SRCIN1: variants seen among roughly 807,000 people sequenced by gnomAD.
The protein encoded by SRCIN1 is P130Cas-associated protein.
In SRCIN1, 50 loss-of-function variants were observed where a neutral mutation model predicts 116.2. The ratio of observed to expected loss-of-function variants is 0.43; its 90% CI spans 0.34 to 0.54. SRCIN1 has a LOEUF of 0.54. SRCIN1 is among the 20% of genes least tolerant of loss of function. The pLI, the probability that SRCIN1 is intolerant of heterozygous loss-of-function variation, is 0.02. For synonymous variants in SRCIN1, 736 were observed against 750.0 expected (o/e 0.98, Z 0.30); for missense variants, 1,446 against 1,672.0 (o/e 0.86, Z 2.36).
intron 11 of SRCIN1, among the ~76,000 whole-genome samples, chr17:38,556,238 A>G (rs922059198): frequency 2.7e-4 from 41 of 152,276 alleles, no homozygotes; most frequent in African/African-American, 9.6e-4. Context: ...CAAGATGGCA[A>G]CAGCAGAGCA....
rs55779119 is a variant in SRCIN1, at chr17:38,581,466, CT to C, written c.23-2676del. 9.7e-3 allele frequency among the ~76,000 whole-genome samples: 1,311 copies of C among 134,576 alleles called. 12 individuals are homozygous for C. Among genetic ancestry groups the C allele is most frequent in the African/African-American group, 0.023 (863 of 36,794 alleles). The allele number at this position is 134,576 out of a possible 152,430, so 88.3% of individuals were successfully genotyped here. ...AAAGTGTGAGCCACCACACCCAGGT[CT>C]TTTTTTTTTTTTTTAAATACCTTTA... On this transcript the variant is annotated intron_variant, in intron 1 of 18. Coordinates refer to ENST00000617146, the MANE Select transcript of SRCIN1 (RefSeq NM_025248.3).
chr17:38,543,177 C>A (rs1904857038), intron 18 of SRCIN1: 5 of 456,638 alleles, frequency 1.1e-5, no homozygotes, highest in South Asian at 7.7e-5. Context: ...CTGCTGCACC[C>A]CTACCCTTCC....
At chr17:38,581,659 T>A (rs1907831119) in intron 1 of SRCIN1, among the ~76,000 whole-genome samples, 1 of 152,144 alleles carries the variant, frequency 6.6e-6, no homozygotes, top group Non-Finnish European at 1.5e-5. Context: ...AAAGGTTTCC[T>A]GATATGATGG....
At chr17:38,554,479 A>T (rs923702070) in intron 11 of SRCIN1, among the ~76,000 whole-genome samples, 2 of 151,940 alleles carry the variant, frequency 1.3e-5, no homozygotes, top group African/African-American at 4.8e-5. Flanking sequence ...AGGCACACAC[A>T]CGTGCTAACT....
At chr17:38,580,931 G>A (rs1182636502) in intron 1 of SRCIN1, among the ~76,000 whole-genome samples, 1 of 152,112 alleles carries the variant, frequency 6.6e-6, no homozygotes, top group Admixed American at 6.5e-5. Context: ...AAGCTCCTGG[G>A]CTCAAGAGTT....
At chr17:38,565,061 C>T (rs991832582) in intron 3 of SRCIN1, among the ~76,000 whole-genome samples, 3 of 152,008 alleles carry the variant, frequency 2.0e-5, no homozygotes, top group African/African-American at 4.8e-5. Flanking sequence ...CTCTGAGTGA[C>T]GGCAGCCACT....
intron 15 of SRCIN1, 98 bp from the exon 16 acceptor site, chr17:38,549,308 G>A (rs920867852): frequency 8.6e-5 from 106 of 1,238,662 alleles, no homozygotes; most frequent in Non-Finnish European, 9.5e-5. Flanking sequence ...TCTTCCTCCA[G>A]GGAGGACCAG....
At chr17:38,543,579 C>A (rs1904882572) in intron 18 of SRCIN1, among the ~76,000 whole-genome samples, 1 of 152,194 alleles carries the variant, frequency 6.6e-6, no homozygotes, top group Non-Finnish European at 1.5e-5. Flanking sequence ...AGTGAGGGAA[C>A]TCCTGAGAGG....
At chr17:38,588,928 GC>G (rs1908289936) in intron 1 of SRCIN1, among the ~76,000 whole-genome samples, 1 of 152,312 alleles carries the variant, frequency 6.6e-6, no homozygotes, top group Admixed American at 6.5e-5. Flanking sequence ...CCTTGTCCCA[GC>G]CCTATGACCT....
chr17:38,558,309 G>A lies in SRCIN1; in HGVS notation c.2119C>T (p.Pro707Ser), dbSNP rs1240700574. The change falls in exon 11 of 19, where the codon CCG (proline) becomes TCG (serine). Residue 707 changes from proline to serine, a missense_variant. Physicochemically the swap from Pro to Ser is moderately conservative, Grantham distance 74. Transcript: ENST00000617146. The surrounding 1 kb of genome is among the most constrained non-coding windows in gnomAD (Gnocchi z 4.6). The part of the protein sequence containing the change: ...VSEAARRQED[P>S]LQRQRTLVEE... ...ACCAGGGTGCGCTGCCGCTGCAGCG[G>A]GTCCTCCTGCCGCCGCGCCGCCTCC... 1.2e-6 allele frequency: 2 copies of A among 1,611,364 alleles called. No homozygotes were observed. Among genetic ancestry groups the A allele is most frequent in the Non-Finnish European group, 8.5e-7 (1 of 1,179,610 alleles).
chr17:38,555,098 T>C (rs1170103612), intron 11 of SRCIN1, among the ~76,000 whole-genome samples: 1 of 152,244 alleles, frequency 6.6e-6, no homozygotes, highest in Non-Finnish European at 1.5e-5. Flanking sequence ...ACTCAGGCCT[T>C]GGCTTTCATT....
At chr17:38,579,693 G>A (rs1318926439) in intron 1 of SRCIN1, among the ~76,000 whole-genome samples, 1 of 152,162 alleles carries the variant, frequency 6.6e-6, no homozygotes, top group Non-Finnish European at 1.5e-5. Flanking sequence ...AGAAAGAGAA[G>A]GCCGGGGGTT....
chr17:38,543,991 T>G, intron 17 of SRCIN1, 22 bp from the exon 18 acceptor site: 1 of 1,562,902 alleles, frequency 6.4e-7, no homozygotes, highest in South Asian at 1.2e-5. Context: ...GGAACAGGGT[T>G]GCAGTTGCAG....
At chr17:38,592,676 T>A (rs1299749300) in intron 1 of SRCIN1, among the ~76,000 whole-genome samples, 4 of 152,202 alleles carry the variant, frequency 2.6e-5, no homozygotes, top group Non-Finnish European at 5.9e-5. Flanking sequence ...TCTAGCACAG[T>A]GCCTGGCACA....
chr17:38,543,936 C>T lies in SRCIN1; in HGVS notation c.3304G>A (p.Val1102Met). 6.3e-7 allele frequency: 1 copy of T among 1,595,500 alleles called. No homozygotes were observed. Among genetic ancestry groups the T allele is most frequent in the Non-Finnish European group, 8.5e-7 (1 of 1,175,842 alleles). Residue 1102 changes from valine (V) to methionine (M), a missense_variant, in exon 18 of 19, where the codon GTG (valine) becomes ATG (methionine). Transcript: ENST00000617146. ...GGGSVPPMKVVTPGASRLKAA... is the reference protein window; with the variant it reads ...GGGSVPPMKVMTPGASRLKAA... ...TTCAGCCGAGAGGCCCCCGGAGTCA[C>T]CACCTTCATGGGTGGTACACTGCCT...
intron 2 of SRCIN1, among the ~76,000 whole-genome samples, chr17:38,578,180 A>G (rs990191745): frequency 2.6e-5 from 4 of 152,146 alleles, no homozygotes; most frequent in African/African-American, 9.7e-5. Context: ...CTCCCAGAAG[A>G]GTTCTGCCCA....
intron 1 of SRCIN1, among the ~76,000 whole-genome samples, chr17:38,600,431 A>G (rs1908958548): frequency 6.6e-6 from 1 of 152,210 alleles, no homozygotes; most frequent in Non-Finnish European, 1.5e-5. Context: ...CCTGGGCCCC[A>G]TCTTCTGTGT....
chr17:38,553,528 CTT>C (rs1905584985), intron 11 of SRCIN1, among the ~76,000 whole-genome samples: 2 of 152,132 alleles, frequency 1.3e-5, no homozygotes, highest in African/African-American at 4.8e-5. Flanking sequence ...GGGGAGGTCT[CTT>C]GTCTCGGGGG....
chr17:38,554,277 A>G (rs3902482), intron 11 of SRCIN1, among the ~76,000 whole-genome samples: 42,401 of 151,770 alleles, frequency 0.28, 7,091 homozygotes, highest in African/African-American at 0.47. Flanking sequence ...TAATGAAGAC[A>G]GGAAAGCACG....
Sources: gnomAD v4.1 joint callset for allele counts (sites outside exome capture counted in the v4.1 genomes callset) on GRCh38, gnomAD v4.1.1 for gene constraint, Gnocchi (gnomAD v3.1) non-coding constraint, MANE v1.5 for transcripts, NCBI Gene and HGNC (gene_info 2026-07-23, HGNC 2026-07-21) for gene names.